The following MAP2K6 variants were observed in gnomAD, a reference collection of about 807,000 sequenced individuals.
MAP2K6 encodes the protein mitogen-activated protein kinase kinase 6.
MAP2K6 carries 16 observed loss-of-function variants against 53.7 expected under a neutral mutation model. The observed-to-expected ratio is 0.30, with a 90% CI of 0.20 to 0.45. The LOEUF is 0.45. MAP2K6 is among the 20% of genes least tolerant of loss of function. The probability of loss-of-function intolerance (pLI) is 1.00; values close to 1 mark genes in which losing one functional copy is unlikely to be tolerated. For missense variants in MAP2K6, 204 were observed against 411.9 expected, an observed-to-expected ratio of 0.50 and a Z score of 4.37; for synonymous variants, 132 against 143.1, an observed-to-expected ratio of 0.92 and a Z score of 0.55.
intron 1 of MAP2K6, among the ~76,000 whole-genome samples, chr17:69,501,924 T>TG (rs1909192665): frequency 6.6e-6 from 1 of 151,870 alleles, no homozygotes; most frequent in South Asian, 2.1e-4. Context: ...CCATGTTTTT[T>TG]TTTTTTTTTT....
rs114534790 is a variant in MAP2K6 at position 69,531,755 on chromosome 17, G to T, written c.882-4360G>T. On this transcript the variant is annotated intron_variant, in intron 10 of 11. Coordinates refer to ENST00000590474, the MANE Select transcript of MAP2K6 (RefSeq NM_002758.4). ...ATTTTGAGATAGGACTACAGAATGA[G>T]ATTTTCTTCCTCTTTTTCCTATATA... Among the ~76,000 whole-genome samples, 1,239 of 152,232 alleles carry T rather than the reference G, an allele frequency of 8.1e-3. 23 individuals carry two copies. Among genetic ancestry groups the T allele is most frequent in the African/African-American group, 0.029 (1,199 of 41,540 alleles).
chr17:69,520,850 G>A, intron 6 of MAP2K6, 199 bp from the exon 7 acceptor site: 1 of 490,562 alleles, frequency 2.0e-6, no homozygotes, highest in Non-Finnish European at 3.6e-6. Context: ...CATCCTCTCT[G>A]ATATAAGATA....
chr17:69,523,454 A>C, intron 7 of MAP2K6, 60 bp from the exon 8 acceptor site: 1 of 1,599,726 alleles, frequency 6.3e-7, no homozygotes, highest in Non-Finnish European at 8.6e-7. Context: ...CTCTGGTGGC[A>C]GAGAAATGAA....
At chr17:69,455,750 A>G (rs1331939834) in intron 1 of MAP2K6, among the ~76,000 whole-genome samples, 1 of 152,048 alleles carries the variant, frequency 6.6e-6, no homozygotes, top group Non-Finnish European at 1.5e-5. Context: ...AAAATGCAAA[A>G]ATCATTTTTT....
chr17:69,464,092 T>C (rs999528777), intron 1 of MAP2K6, among the ~76,000 whole-genome samples: 3 of 152,146 alleles, frequency 2.0e-5, no homozygotes, highest in African/African-American at 7.2e-5. Context: ...TTAATTTATT[T>C]ACTTATTTTT....
At chr17:69,527,301 C>G (rs1230394208) in intron 10 of MAP2K6, among the ~76,000 whole-genome samples, 1 of 152,168 alleles carries the variant, frequency 6.6e-6, no homozygotes, top group African/African-American at 2.4e-5. Flanking sequence ...CTTGTAGAAC[C>G]TTGGTTGCTA....
At chr17:69,499,010 C>T (rs574029928) in intron 1 of MAP2K6, among the ~76,000 whole-genome samples, 3 of 152,066 alleles carry the variant, frequency 2.0e-5, no homozygotes, top group Non-Finnish European at 2.9e-5. Flanking sequence ...TGACTGAGCC[C>T]TGCTTCTGAT....
In MAP2K6 at chr17:69,543,063, A is replaced by G. The variant is rs2144879244; in HGVS notation, c.*1310A>G. 1 of 152,260 alleles carries G rather than the reference A, an allele frequency of 6.6e-6. No individual in the cohort carries two copies. The highest frequency in any genetic ancestry group is 6.5e-5 in the Admixed American group (1 of 15,284). The allele number at this position is 152,260 out of a possible 1,614,324, so 9.4% of individuals were successfully genotyped here. A position where few individuals can be genotyped will look rare whatever the true frequency, so the allele number is the denominator to read the frequency against. Reference sequence around the variant, plus strand: ...TTGGGAGTTCCTAGCAAGTTGACTAAACAGCAAAAGTTCTTTCTCGTGGGT... The same window carrying G: ...TTGGGAGTTCCTAGCAAGTTGACTAGACAGCAAAAGTTCTTTCTCGTGGGT... On this transcript the variant is annotated 3_prime_UTR_variant, in exon 12 of 12. Transcript: ENST00000590474.
At chr17:69,459,037 A>G (rs1022252905) in intron 1 of MAP2K6, among the ~76,000 whole-genome samples, 1 of 152,076 alleles carries the variant, frequency 6.6e-6, no homozygotes, top group Non-Finnish European at 1.5e-5. Flanking sequence ...ATGAATAGCA[A>G]CCTCTAAGCC....
intron 1 of MAP2K6, among the ~76,000 whole-genome samples, chr17:69,490,501 A>T (rs1429429175): frequency 6.6e-6 from 1 of 151,994 alleles, no homozygotes; most frequent in East Asian, 1.9e-4. Flanking sequence ...TAGGGAAAGG[A>T]AGAGAAGAGC....
chr17:69,423,794 G>GAGA (rs1283705214), intron 1 of MAP2K6, among the ~76,000 whole-genome samples: 5 of 152,072 alleles, frequency 3.3e-5, no homozygotes, highest in Non-Finnish European at 7.4e-5. Context: ...TCCCTTCGAT[G>GAGA]AGAAGCTGCT....
chr17:69,451,775 C>A (rs1055872563), intron 1 of MAP2K6, among the ~76,000 whole-genome samples: 1 of 152,090 alleles, frequency 6.6e-6, no homozygotes, highest in Non-Finnish European at 1.5e-5. Context: ...TACAGGCTGC[C>A]CCTGCAGAGG....
intron 2 of MAP2K6, among the ~76,000 whole-genome samples, chr17:69,512,734 T>C (rs1024281262): frequency 1.3e-5 from 2 of 152,172 alleles, no homozygotes; most frequent in Non-Finnish European, 2.9e-5. Flanking sequence ...CCCTATTCTA[T>C]TTCAATAGAG....
intron 1 of MAP2K6, among the ~76,000 whole-genome samples, chr17:69,429,254 C>T (rs1007849152): frequency 7.0e-6 from 1 of 143,144 alleles, no homozygotes; most frequent in East Asian, 2.0e-4. Flanking sequence ...GCCTGGGCAA[C>T]ATAGTGAGAC....
intron 1 of MAP2K6, chr17:69,502,077 C>A: frequency 1.4e-6 from 1 of 729,516 alleles, no homozygotes; most frequent in Non-Finnish European, 1.7e-6. Flanking sequence ...AGAAAAGCTG[C>A]AGAACATGGT....
At chr17:69,518,198 T>TTAAGAA (rs141699498) in intron 4 of MAP2K6, among the ~76,000 whole-genome samples, 1 of 149,506 alleles carries the variant, frequency 6.7e-6, no homozygotes, top group Non-Finnish European at 1.5e-5. Flanking sequence ...TCAAATAATA[T>TTAAGAA]TAATAATAAT....
chr17:69,423,076 G>A (rs1339283162), intron 1 of MAP2K6, among the ~76,000 whole-genome samples: 1 of 152,146 alleles, frequency 6.6e-6, no homozygotes, highest in East Asian at 1.9e-4. Flanking sequence ...GTAGAGACGG[G>A]GTTTCACCAT....
In MAP2K6 at chr17:69,451,300, C is replaced by T. The variant is rs185395221; in HGVS notation, c.16+36300C>T. On this transcript the variant is annotated intron_variant, in intron 1 of 11. Coordinates refer to ENST00000590474, the MANE Select transcript of MAP2K6 (RefSeq NM_002758.4). ...TCAACAGTGGTGGAAATATTTGCAC[C>T]GTGGAAATCAGCAAATGCTACACAT... Among the ~76,000 whole-genome samples the T allele has an allele frequency of 1.5e-4, 23 of 152,202 alleles. 1 individual carries two copies. The Middle Eastern group carries it at 0.01, about 68-fold the overall frequency.
At chr17:69,492,030 A>G (rs1314798253) in intron 1 of MAP2K6, among the ~76,000 whole-genome samples, 1 of 152,048 alleles carries the variant, frequency 6.6e-6, no homozygotes, top group Non-Finnish European at 1.5e-5. Flanking sequence ...AAATGTGTTT[A>G]AGTTCCTTAT....
Sources: allele counts gnomAD v4.1 joint callset (sites outside exome capture counted in the v4.1 genomes callset), GRCh38; gene constraint gnomAD v4.1.1; transcripts MANE v1.5; gene names NCBI Gene and HGNC (gene_info 2026-07-23, HGNC 2026-07-21).